The following PRKAA2 variants were observed in gnomAD, a reference collection of about 807,000 sequenced individuals.
PRKAA2 encodes protein kinase AMP-activated catalytic subunit alpha 2.
Under a neutral mutation model 56.3 loss-of-function variants are expected in PRKAA2, and 40 were observed. The observed-to-expected ratio is 0.71, with a 90% CI of 0.55 to 0.92. PRKAA2 has a LOEUF of 0.92. Among genes scored for constraint, PRKAA2 ranks in the 40% least tolerant of loss-of-function variants. PRKAA2 has a pLI of 0.00. For synonymous variants in PRKAA2, 214 were observed against 234.2 expected (o/e 0.91, Z 0.79); for missense variants, 542 against 686.9 (o/e 0.79, Z 2.36).
At position 56,709,485 on chromosome 1, in the gene PRKAA2, A is replaced by C. The variant is rs857148; in HGVS notation, c.*1772A>C. 0.44 allele frequency: 66,917 copies of C among 151,936 alleles called. 15,427 individuals are homozygous for C. Among genetic ancestry groups the C allele is most frequent in the East Asian group, 0.59 (3,054 of 5,168 alleles). 9.4% of individuals were successfully genotyped at this position (151,936 alleles called of 1,614,324 possible). A position where few individuals can be genotyped will look rare whatever the true frequency, so the allele number is the denominator to read the frequency against. ...TATTGAAAGACTGCCATCTTGTGGC[A>C]CCAAAAGGTAATTTTTACATGATTA... On this transcript the variant is annotated 3_prime_UTR_variant, in exon 9 of 9. Transcript: ENST00000371244.
chr1:56,687,412 C>G (rs1185726787), intron 2 of PRKAA2, among the ~76,000 whole-genome samples: 1 of 151,980 alleles, frequency 6.6e-6, no homozygotes, highest in African/African-American at 2.4e-5. Flanking sequence ...AGGGGATACA[C>G]ACACATGCAT....
At chr1:56,648,425 T>C (rs1646661433) in intron 1 of PRKAA2, among the ~76,000 whole-genome samples, 1 of 152,236 alleles carries the variant, frequency 6.6e-6, no homozygotes, top group Non-Finnish European at 1.5e-5. Flanking sequence ...TATTCCATTG[T>C]GTGGATATGC....
intron 2 of PRKAA2, among the ~76,000 whole-genome samples, chr1:56,683,824 A>G (rs2796512): frequency 0.44 from 67,356 of 151,734 alleles, 15,517 homozygotes; most frequent in East Asian, 0.59. Context: ...AGTGAGAGAT[A>G]AGGTCAGAGA....
At chr1:56,705,541 G>A (rs1334878516) in intron 7 of PRKAA2, among the ~76,000 whole-genome samples, 3 of 151,974 alleles carry the variant, frequency 2.0e-5, no homozygotes, top group Admixed American at 1.3e-4. Flanking sequence ...GACTACAGGC[G>A]CCTGCCACCA....
chr1:56,647,246 G>C (rs528084650), intron 1 of PRKAA2, among the ~76,000 whole-genome samples: 57 of 152,322 alleles, frequency 3.7e-4, no homozygotes, highest in African/African-American at 1.3e-3. Context: ...TTGTCATTTA[G>C]TATTATTATT....
At chr1:56,686,818 A>C (rs1027723513) in intron 2 of PRKAA2, among the ~76,000 whole-genome samples, 2 of 152,140 alleles carry the variant, frequency 1.3e-5, no homozygotes, top group Admixed American at 1.3e-4. Flanking sequence ...GGGGATGAAC[A>C]TACAAACCAT....
intron 1 of PRKAA2, among the ~76,000 whole-genome samples, chr1:56,670,847 CTT>C (rs1356767492): frequency 1.3e-5 from 2 of 152,072 alleles, no homozygotes; most frequent in Admixed American, 1.3e-4. Flanking sequence ...CTCATCTACT[CTT>C]TATGAATATG....
intron 6 of PRKAA2, among the ~76,000 whole-genome samples, chr1:56,697,710 C>T (rs1644267829): frequency 6.6e-6 from 1 of 151,932 alleles, no homozygotes; most frequent in Non-Finnish European, 1.5e-5. Context: ...TGCCTGTAAT[C>T]CCAACACTTT....
At chr1:56,666,588 C>A (rs1644037816) in intron 1 of PRKAA2, among the ~76,000 whole-genome samples, 1 of 152,096 alleles carries the variant, frequency 6.6e-6, no homozygotes, top group Non-Finnish European at 1.5e-5. Context: ...GAATACAGTT[C>A]AACTGAAATT....
Position 56,709,831 on chromosome 1 carries a change from T to C in PRKAA2, c.*2118T>C, listed in dbSNP as rs761659662. 6 of 152,190 alleles carry C rather than the reference T, an allele frequency of 3.9e-5. No homozygotes were observed. Among genetic ancestry groups the C allele is most frequent in the Non-Finnish European group, 5.9e-5 (4 of 67,998 alleles). The allele number at this position is 152,190 out of a possible 1,614,324, so 9.4% of individuals were successfully genotyped here. On this transcript the variant is annotated 3_prime_UTR_variant, in exon 9 of 9. Coordinates refer to ENST00000371244, the MANE Select transcript of PRKAA2 (RefSeq NM_006252.4). Reference sequence around the variant, plus strand: ...CTTATATGGATTATTGCCATGTTTTTTGAGAGTTAATTATTTACTGTTTTC... The same window carrying C: ...CTTATATGGATTATTGCCATGTTTTCTGAGAGTTAATTATTTACTGTTTTC...
At chr1:56,695,336 G>A (rs1229697395) in intron 5 of PRKAA2, among the ~76,000 whole-genome samples, 2 of 151,624 alleles carry the variant, frequency 1.3e-5, no homozygotes, top group Admixed American at 1.3e-4. Context: ...GGACTAAGAT[G>A]TGCACCACCA....
chr1:56,648,279 C>T (rs564772379), intron 1 of PRKAA2, among the ~76,000 whole-genome samples: 1 of 152,256 alleles, frequency 6.6e-6, no homozygotes, highest in African/African-American at 2.4e-5. Context: ...TATAAATTTG[C>T]TTTTTCTAGG....
intron 1 of PRKAA2, among the ~76,000 whole-genome samples, chr1:56,668,118 A>G (rs1644048276): frequency 6.6e-6 from 1 of 152,140 alleles, no homozygotes; most frequent in Non-Finnish European, 1.5e-5. Context: ...CAAAGAGAAG[A>G]AAAACTTTTC....
intron 4 of PRKAA2, 96 bp from the exon 5 acceptor site, chr1:56,693,669 T>G: frequency 1.4e-6 from 1 of 716,398 alleles, no homozygotes; most frequent in Non-Finnish European, 2.2e-6. Flanking sequence ...AAATGATATA[T>G]GGAGGATCCA....
intron 6 of PRKAA2, among the ~76,000 whole-genome samples, chr1:56,702,571 A>G (rs1487555877): frequency 1.3e-5 from 2 of 152,120 alleles, no homozygotes; most frequent in Non-Finnish European, 2.9e-5. Context: ...TTGGTACTCC[A>G]TCTCATAACT....
chr1:56,646,641 C>A (rs1646644961), intron 1 of PRKAA2, among the ~76,000 whole-genome samples: 1 of 152,012 alleles, frequency 6.6e-6, no homozygotes, highest in Admixed American at 6.6e-5. Flanking sequence ...GAAATATTGA[C>A]CTTTATTTTT....
chr1:56,706,401 G>C (rs1168240161), intron 8 of PRKAA2, among the ~76,000 whole-genome samples, 183 bp downstream of exon 8: 3 of 152,124 alleles, frequency 2.0e-5, no homozygotes, highest in Non-Finnish European at 4.4e-5. Context: ...CCTCTTACCT[G>C]GCATCTTTCC....
chr1:56,679,605 C>T (rs1049153829), intron 2 of PRKAA2, among the ~76,000 whole-genome samples: 1 of 152,160 alleles, frequency 6.6e-6, no homozygotes. Context: ...TGAATTTATC[C>T]ATTTTTCTTT....
chr1:56,655,268 C>CTA (rs1437334846), intron 1 of PRKAA2, among the ~76,000 whole-genome samples: 11 of 106,818 alleles, frequency 1.0e-4, no homozygotes, highest in African/African-American at 3.7e-4. Context: ...ATTTATATAT[C>CTA]TATATATATA....
Sources: gnomAD v4.1 joint callset for allele counts (sites outside exome capture counted in the v4.1 genomes callset) on GRCh38, gnomAD v4.1.1 for gene constraint, MANE v1.5 for transcripts, NCBI Gene and HGNC (gene_info 2026-07-23, HGNC 2026-07-21) for gene names.